The following ATF6 variants were observed in gnomAD, a reference collection of about 807,000 sequenced individuals.
The protein encoded by ATF6 is cyclic AMP-dependent transcription factor ATF-6 alpha.
In ATF6, 53 loss-of-function variants were observed where a neutral mutation model predicts 83.6. That is an observed-to-expected ratio of 0.63 (90% CI 0.51 to 0.80). The LOEUF (loss-of-function observed/expected upper bound fraction) is 0.80, where lower values mean the gene tolerates loss of function less well. ATF6 is among the 30% of genes least tolerant of loss of function. ATF6 has a pLI of 0.00. For synonymous variants in ATF6, 288 were observed against 285.8 expected (o/e 1.01, Z -0.08); for missense variants, 744 against 797.9 (o/e 0.93, Z 0.81).
chr1:161,865,799 C>A (rs928806102), intron 14 of ATF6, among the ~76,000 whole-genome samples: 7 of 152,102 alleles, frequency 4.6e-5, no homozygotes, highest in Admixed American at 2.0e-4. Context: ...ATTAAGATAA[C>A]ATCCTTTTTA....
chr1:161,872,566 G>A (rs1416231183), intron 14 of ATF6, among the ~76,000 whole-genome samples: 1 of 151,484 alleles, frequency 6.6e-6, no homozygotes, highest in Non-Finnish European at 1.5e-5. Context: ...ACAGATGAAG[G>A]AAAATAAATC....
intron 6 of ATF6, among the ~76,000 whole-genome samples, chr1:161,799,249 A>G (rs1685087295): frequency 6.6e-6 from 1 of 152,244 alleles, no homozygotes; most frequent in African/African-American, 2.4e-5. Context: ...CTACACAGCC[A>G]TAAAAAAGAA....
At position 161,961,319 on chromosome 1, in the gene ATF6, T is replaced by C. The variant is rs1222771666; in HGVS notation, c.*2665T>C. On this transcript the variant is annotated 3_prime_UTR_variant, in exon 16 of 16. Coordinates refer to ENST00000367942, the MANE Select transcript of ATF6 (RefSeq NM_007348.4). ...AGCAGCCTGGGAGCTTTGCCTTCTT[T>C]TGTCTCTCACTAGCCCTTCTACTCT... 6.6e-6 allele frequency: 1 copy of C among 152,254 alleles called. No homozygotes were observed. 9.4% of individuals were successfully genotyped at this position (152,254 alleles called of 1,614,324 possible).
chr1:161,953,877 A>G (rs1688918814), intron 15 of ATF6, among the ~76,000 whole-genome samples: 1 of 152,184 alleles, frequency 6.6e-6, no homozygotes, highest in Non-Finnish European at 1.5e-5. Flanking sequence ...GCCAAACTTC[A>G]TTTCTAAAAG....
intron 12 of ATF6, among the ~76,000 whole-genome samples, chr1:161,859,066 T>C (rs1378719286): frequency 6.6e-6 from 1 of 152,214 alleles, no homozygotes; most frequent in African/African-American, 2.4e-5. Context: ...TGGATAACTA[T>C]GCCAGTAAGT....
chr1:161,915,365 T>G (rs1688075361), intron 15 of ATF6, among the ~76,000 whole-genome samples: 1 of 152,172 alleles, frequency 6.6e-6, no homozygotes, highest in African/African-American at 2.4e-5. Context: ...CCTCTAAGAG[T>G]TGATGTGAGA....
intron 14 of ATF6, among the ~76,000 whole-genome samples, chr1:161,877,736 GAGC>G (rs1239576788): frequency 6.6e-6 from 1 of 152,112 alleles, no homozygotes; most frequent in African/African-American, 2.4e-5. Flanking sequence ...TTAACAGTAG[GAGC>G]AGAGAGAGCA....
chr1:161,830,720 G>C (rs1424556855), intron 9 of ATF6, among the ~76,000 whole-genome samples: 2 of 152,242 alleles, frequency 1.3e-5, no homozygotes. Context: ...AGTAATAAAT[G>C]GTGCTGGGAA....
intron 15 of ATF6, among the ~76,000 whole-genome samples, chr1:161,936,282 C>T (rs1310469197): frequency 1.4e-5 from 2 of 145,000 alleles, no homozygotes; most frequent in Non-Finnish European, 3.1e-5. Context: ...CTAAAACCTA[C>T]AGATGTTTTT....
intron 9 of ATF6, among the ~76,000 whole-genome samples, chr1:161,833,687 A>G (rs1339395609): frequency 6.6e-6 from 1 of 152,182 alleles, no homozygotes. Context: ...GAAATGAAGC[A>G]TGAAGAGAAG....
chr1:161,912,928 C>T (rs1688020177), intron 15 of ATF6, among the ~76,000 whole-genome samples: 2 of 151,834 alleles, frequency 1.3e-5, no homozygotes, highest in Admixed American at 1.3e-4. Context: ...AATATACCTG[C>T]TTATAGTTTA....
chr1:161,833,423 GAGAGA>G (rs1269776169), intron 9 of ATF6, among the ~76,000 whole-genome samples: 2 of 152,168 alleles, frequency 1.3e-5, no homozygotes, highest in South Asian at 4.1e-4. Flanking sequence ...TTGACGAGTT[GAGAGA>G]AGAAGGCTTC....
rs1689116329 is a variant in ATF6, at chr1:161,962,305, T to G, written c.*3651T>G. On this transcript the variant is annotated 3_prime_UTR_variant, in exon 16 of 16. Coordinates refer to ENST00000367942, the MANE Select transcript of ATF6 (RefSeq NM_007348.4). ...GGATTCAAATTGATTTTTCAAATCA[T>G]TTTTAAAGAGACATCATCCTGACTA... is the stretch of plus-strand genomic sequence containing the variant. The G allele has an allele frequency of 6.6e-6, 1 of 152,198 alleles. No individual in the cohort carries two copies. Among genetic ancestry groups the G allele is most frequent in the African/African-American group, 2.4e-5 (1 of 41,448 alleles). 9.4% of individuals were successfully genotyped at this position (152,198 alleles called of 1,614,324 possible).
intron 5 of ATF6, 33 bp from the exon 6 acceptor site, chr1:161,792,091 C>T (rs950758712): frequency 6.3e-7 from 1 of 1,596,392 alleles, no homozygotes; most frequent in South Asian, 1.1e-5. Context: ...ATTGCTTTCA[C>T]ATTGACTTGT....
chr1:161,813,851 T>C (rs1685537013), intron 7 of ATF6, among the ~76,000 whole-genome samples: 2 of 152,144 alleles, frequency 1.3e-5, no homozygotes, highest in Non-Finnish European at 2.9e-5. Context: ...AAATTACTAT[T>C]ACTTTTATTT....
intron 15 of ATF6, among the ~76,000 whole-genome samples, chr1:161,952,191 A>G (rs1322798028): frequency 6.6e-6 from 1 of 152,004 alleles, no homozygotes; most frequent in Non-Finnish European, 1.5e-5. Flanking sequence ...TTCTACATAT[A>G]AGTCCCAAGC....
At chr1:161,911,663 G>T (rs1687995080) in intron 14 of ATF6, among the ~76,000 whole-genome samples, 1 of 152,120 alleles carries the variant, frequency 6.6e-6, no homozygotes, top group Non-Finnish European at 1.5e-5. Flanking sequence ...CTAATTCTGT[G>T]GTCCCTTCAA....
intron 14 of ATF6, among the ~76,000 whole-genome samples, chr1:161,907,293 G>C (rs997434409): frequency 8.5e-5 from 13 of 152,194 alleles, no homozygotes; most frequent in African/African-American, 2.9e-4. Context: ...CTAGGACAGG[G>C]ACATAGGTTA....
chr1:161,839,657 G>A (rs761477749), intron 9 of ATF6, among the ~76,000 whole-genome samples: 19 of 152,194 alleles, frequency 1.2e-4, no homozygotes, highest in Non-Finnish European at 1.8e-4. Flanking sequence ...ACAGGTGTGA[G>A]CCACTGTTCC....
Sources: gnomAD v4.1 joint callset for allele counts (sites outside exome capture counted in the v4.1 genomes callset) on GRCh38, gnomAD v4.1.1 for gene constraint, MANE v1.5 for transcripts, NCBI Gene and HGNC (gene_info 2026-07-23, HGNC 2026-07-21) for gene names.